RAPGEF1: variants seen among roughly 807,000 people sequenced by gnomAD.
The protein encoded by RAPGEF1 is CRK SH3-binding GNRP.
RAPGEF1 carries 33 observed loss-of-function variants against 143.3 expected under a neutral mutation model. The observed-to-expected ratio is 0.23, with a 90% CI of 0.17 to 0.31. The LOEUF (loss-of-function observed/expected upper bound fraction) is 0.31, where lower values mean the gene tolerates loss of function less well. Ranked by LOEUF, RAPGEF1 falls within the 10% of genes least tolerant of loss-of-function variation. The pLI is 1.00. For synonymous variants in RAPGEF1, 629 were observed against 676.5 expected, an observed-to-expected ratio of 0.93 and a Z score of 1.09; for missense variants, 1,199 against 1,645.4, an observed-to-expected ratio of 0.73 and a Z score of 4.69.
In RAPGEF1 at chr9:131,627,928, T is replaced by C. The variant is rs780117501; in HGVS notation, c.1186A>G (p.Ser396Gly). 6.3e-7 allele frequency: 1 copy of C among 1,583,846 alleles called. No individual in the cohort carries two copies. The highest frequency in any genetic ancestry group is 1.2e-5 in the South Asian group (1 of 86,692). Reference protein sequence around the residue: ...RDSGQCSRNTSCETLDHYDPD... With the variant: ...RDSGQCSRNTGCETLDHYDPD... Reference sequence around the variant, plus strand: ...GGCGGCTCACCTAGTGTTTCACAGCTTGTGTTCCGGGAGCACTGCCCACTG... The same window carrying C: ...GGCGGCTCACCTAGTGTTTCACAGCCTGTGTTCCGGGAGCACTGCCCACTG... Residue 396 changes from serine to glycine, a missense_variant, in exon 9 of 27, where the codon AGC (serine) becomes GGC (glycine). Physicochemically the swap from Ser to Gly is moderately conservative, Grantham distance 56 (BLOSUM62 0). Around this residue, in one of 6 missense-constraint regions of RAPGEF1, gnomAD observed 613 missense variants for 710.9 expected, o/e 0.86. Coordinates refer to ENST00000683357, the MANE Select transcript of RAPGEF1 (RefSeq NM_001377935.1).
intron 5 of RAPGEF1, among the ~76,000 whole-genome samples, chr9:131,631,960 C>A (rs966882253): frequency 6.6e-6 from 1 of 152,146 alleles, no homozygotes; most frequent in Non-Finnish European, 1.5e-5. Flanking sequence ...ATATCAAAAG[C>A]CTTAAATATT....
chr9:131,693,361 A>G lies in RAPGEF1; in HGVS notation c.62-42412T>C, dbSNP rs1444485750. 9.2e-5 allele frequency among the ~76,000 whole-genome samples: 14 copies of G among 152,204 alleles called. 1 individual carries two copies. The highest frequency in any genetic ancestry group is 7.9e-4 in the Admixed American group (12 of 15,284). On this transcript the variant is annotated intron_variant, in intron 1 of 26. Transcript: ENST00000683357. Reference sequence around the variant, plus strand: ...GAACTGAGCTCCTGCAATATGCCCAATAGACCAAACCAAAATGGTGTCACT... The same window carrying G: ...GAACTGAGCTCCTGCAATATGCCCAGTAGACCAAACCAAAATGGTGTCACT...
chr9:131,619,008 T>C (rs780621524), intron 12 of RAPGEF1, 43 bp downstream of exon 12: 4 of 1,333,448 alleles, frequency 3.0e-6, no homozygotes, highest in East Asian at 4.9e-5. Flanking sequence ...GGAACGGCCC[T>C]GTTCACGCGT....
In RAPGEF1 at chr9:131,626,069, C is replaced by T. The variant is rs765844937; in HGVS notation, c.1555G>A (p.Val519Ile). The T allele has an allele frequency of 1.1e-5, 17 of 1,613,792 alleles. No homozygotes were observed. The highest frequency in any genetic ancestry group is 2.7e-5 in the African/African-American group (2 of 74,920). ...DLQSTAPIPS[V>I]PYAPFAAILP... ...ATAGCAGCAAAGGGCGCGTAGGGGA[C>T]GGATGGGATCGGGGCTGTGCTCTGC... Residue 519 changes from valine to isoleucine, a missense_variant, in exon 10 of 27, where the codon GTC becomes ATC. Val to Ile is a conservative substitution (Grantham distance 29). Coordinates refer to ENST00000683357, the MANE Select transcript of RAPGEF1 (RefSeq NM_001377935.1).
chr9:131,698,591 C>T (rs893275572), intron 1 of RAPGEF1, among the ~76,000 whole-genome samples: 11 of 152,210 alleles, frequency 7.2e-5, no homozygotes, highest in African/African-American at 1.4e-4. Context: ...GTTAGAAGGG[C>T]GGGTAGAAGG....
At chr9:131,645,788 T>G (rs1969429607) in intron 3 of RAPGEF1, among the ~76,000 whole-genome samples, 1 of 152,212 alleles carries the variant, frequency 6.6e-6, no homozygotes, top group African/African-American at 2.4e-5. Flanking sequence ...GGGGATGGAT[T>G]GCCATCATTG....
intron 1 of RAPGEF1, among the ~76,000 whole-genome samples, chr9:131,659,653 T>A (rs1973457160): frequency 6.6e-6 from 1 of 152,188 alleles, no homozygotes; most frequent in Non-Finnish European, 1.5e-5. Flanking sequence ...AGATTAAATG[T>A]GACCCGTGTG....
intron 12 of RAPGEF1, among the ~76,000 whole-genome samples, chr9:131,608,422 G>A (rs1353174499): frequency 2.0e-5 from 3 of 152,188 alleles, no homozygotes; most frequent in African/African-American, 4.8e-5. Context: ...TCACAGAAGC[G>A]TCTCAGTTTT....
chr9:131,592,479 C>A (rs981336811), intron 17 of RAPGEF1, among the ~76,000 whole-genome samples: 3 of 152,184 alleles, frequency 2.0e-5, no homozygotes, highest in Non-Finnish European at 2.9e-5. Context: ...GCCTGGAGAA[C>A]CGTGCTGTGG....
chr9:131,680,498 T>C (rs1320360180), intron 1 of RAPGEF1, among the ~76,000 whole-genome samples: 2 of 152,192 alleles, frequency 1.3e-5, no homozygotes, highest in Admixed American at 6.5e-5. Flanking sequence ...GTTGTGGGTT[T>C]ACGGGAATGA....
In RAPGEF1 at chr9:131,617,116, G is replaced by A. The variant is rs79480566; in HGVS notation, c.2061+1935C>T. ...ACGTCCTCGAATTTAATTTTGTAGCGAACAGTCCAGTTCATTCATAGTCCT... is the reference window on the plus strand; with the variant it reads ...ACGTCCTCGAATTTAATTTTGTAGCAAACAGTCCAGTTCATTCATAGTCCT... On this transcript the variant is annotated intron_variant, in intron 12 of 26. Transcript: ENST00000683357. 5.1e-3 allele frequency among the ~76,000 whole-genome samples: 772 copies of A among 152,272 alleles called. 11 individuals are homozygous for A. The highest frequency in any genetic ancestry group is 5.5e-3 in the Non-Finnish European group (376 of 68,024).
intron 1 of RAPGEF1, among the ~76,000 whole-genome samples, chr9:131,685,013 C>T (rs1833222597): frequency 6.6e-6 from 1 of 152,128 alleles, no homozygotes; most frequent in South Asian, 2.1e-4. Flanking sequence ...CCAGTCACAA[C>T]AAGTAATTTA....
At chr9:131,590,402 T>G (rs1256343309) in intron 18 of RAPGEF1, among the ~76,000 whole-genome samples, 2 of 152,090 alleles carry the variant, frequency 1.3e-5, no homozygotes, top group Non-Finnish European at 2.9e-5. Flanking sequence ...CTCCCTCCAG[T>G]CTTTCTGTGA....
At chr9:131,714,059 T>G (rs1192695529) in intron 1 of RAPGEF1, among the ~76,000 whole-genome samples, 1 of 152,196 alleles carries the variant, frequency 6.6e-6, no homozygotes, top group Non-Finnish European at 1.5e-5. Flanking sequence ...AATAATTTTT[T>G]TTTTTAAGAG....
intron 1 of RAPGEF1, among the ~76,000 whole-genome samples, chr9:131,681,060 C>T (rs1048245678): frequency 1.3e-5 from 2 of 152,110 alleles, no homozygotes; most frequent in South Asian, 2.1e-4. Flanking sequence ...GGGTGTGGTT[C>T]GTCCCACCTT....
chr9:131,610,754 A>G (rs942175465), intron 12 of RAPGEF1, among the ~76,000 whole-genome samples: 1 of 152,210 alleles, frequency 6.6e-6, no homozygotes, highest in Non-Finnish European at 1.5e-5. Context: ...TGTGAGCCTC[A>G]AAGTGTGGGC....
rs1210601199 is a variant in RAPGEF1 at position 131,628,521 on chromosome 9, C to T, written c.1017+28G>A. 6.2e-7 allele frequency: 1 copy of T among 1,604,688 alleles called. No individual in the cohort carries two copies. The highest frequency in any genetic ancestry group is 1.7e-5 in the Admixed American group (1 of 59,832). ...GAGCCCCCCACCCCCTCCCTGCCTTCCCATGCAGGGAACAGGGGCTGCATT... is the reference window on the plus strand; with the variant it reads ...GAGCCCCCCACCCCCTCCCTGCCTTTCCATGCAGGGAACAGGGGCTGCATT... On this transcript the variant is annotated intron_variant, in intron 8 of 26. Transcript: ENST00000683357. The surrounding 1 kb of genome is among the most constrained non-coding windows in gnomAD (Gnocchi z 5.7).
chr9:131,671,783 G>A (rs2130790526), intron 1 of RAPGEF1, among the ~76,000 whole-genome samples: 1 of 152,250 alleles, frequency 6.6e-6, no homozygotes, highest in Admixed American at 6.5e-5. Context: ...AGAGTTGTGG[G>A]AACTGGTCCT....
chr9:131,724,589 C>T (rs926564778), intron 1 of RAPGEF1, among the ~76,000 whole-genome samples: 1 of 151,788 alleles, frequency 6.6e-6, no homozygotes, highest in African/African-American at 2.4e-5. Context: ...AGCGAGATTC[C>T]GGCTCAGAAA....
Sources: gnomAD v4.1 joint callset for allele counts (sites outside exome capture counted in the v4.1 genomes callset) on GRCh38, gnomAD v4.1.1 for gene constraint, gnomAD v4.1.1 regional missense constraint, Gnocchi (gnomAD v3.1) non-coding constraint, MANE v1.5 for transcripts, NCBI Gene and HGNC (gene_info 2026-07-23, HGNC 2026-07-21) for gene names.